Variants in PPP6R1 observed in about 807,000 individuals in gnomAD.
The protein encoded by PPP6R1 is serine/threonine-protein phosphatase 6 regulatory subunit 1.
A neutral mutation model predicts 104.6 loss-of-function variants in PPP6R1; 39 were observed. That is an observed-to-expected ratio of 0.37 (90% CI 0.29 to 0.49). The LOEUF (loss-of-function observed/expected upper bound fraction) is 0.49. Ranked by LOEUF, PPP6R1 falls within the 20% of genes least tolerant of loss-of-function variation. The pLI, the probability that PPP6R1 is intolerant of heterozygous loss-of-function variation, is 0.98. For missense variants in PPP6R1, 1,181 were observed against 1,155.8 expected, an observed-to-expected ratio of 1.02 and a Z score of -0.32; for synonymous variants, 549 against 479.0, an observed-to-expected ratio of 1.15 and a Z score of -1.91.
chr19:55,238,139 G>A (rs934582428), intron 15 of PPP6R1, among the ~76,000 whole-genome samples: 2 of 150,992 alleles, frequency 1.3e-5, no homozygotes, highest in Non-Finnish European at 3.0e-5. Flanking sequence ...GAACTCAAGC[G>A]ATCCTCCTGC....
rs907745394 is a variant in PPP6R1, at chr19:55,241,867, G to A, written c.846-228C>T. 6.6e-6 allele frequency among the ~76,000 whole-genome samples: 1 copy of A among 152,198 alleles called. No individual in the cohort carries two copies. The highest frequency in any genetic ancestry group is 1.5e-5 in the Non-Finnish European group (1 of 68,022). On this transcript the variant is annotated intron_variant, in intron 7 of 23. Coordinates refer to ENST00000412770, the MANE Select transcript of PPP6R1 (RefSeq NM_014931.4). The surrounding 1 kb of genome is among the most constrained non-coding windows in gnomAD (Gnocchi z 5.4). ...GAGAGCACGGGTGAGGGGTGGAGGC[G>A]GGAAGGCAAACCCAACAGGCTAGCG...
chr19:55,251,675 G>A lies in PPP6R1; in HGVS notation c.-6-4566C>T, dbSNP rs150736261. ...CTGCCCAGATGCTAGACCTCCTCAA[G>A]GGACCATCCCCTACTTCCCAGCCCG... is the stretch of plus-strand genomic sequence containing the variant. On this transcript the variant is annotated intron_variant, in intron 1 of 23. Coordinates refer to ENST00000412770, the MANE Select transcript of PPP6R1 (RefSeq NM_014931.4). 2.7e-3 allele frequency among the ~76,000 whole-genome samples: 404 copies of A among 152,214 alleles called. 2 individuals carry two copies. Among genetic ancestry groups the A allele is most frequent in the South Asian group, 0.015 (72 of 4,818 alleles).
At chr19:55,249,471 C>T (rs1415512946) in intron 1 of PPP6R1, among the ~76,000 whole-genome samples, 1 of 152,126 alleles carries the variant, frequency 6.6e-6, no homozygotes, top group Admixed American at 6.5e-5. Context: ...GAACTCCTAA[C>T]CTCAGGTGAT....
At chr19:55,247,451 T>C (rs958067469) in intron 1 of PPP6R1, 20 of 302,104 alleles carry the variant, frequency 6.6e-5, no homozygotes, top group Admixed American at 9.5e-5. Flanking sequence ...GTGTGGACCA[T>C]GTGCAGGGCC....
intron 15 of PPP6R1, among the ~76,000 whole-genome samples, chr19:55,237,321 T>A (rs982863325): frequency 1.3e-5 from 2 of 152,128 alleles, no homozygotes; most frequent in South Asian, 4.2e-4. Context: ...CTTGTCCCCA[T>A]CCTTGGGGCA....
At chr19:55,246,468 A>T (rs1194184148) in intron 2 of PPP6R1, among the ~76,000 whole-genome samples, 1 of 152,200 alleles carries the variant, frequency 6.6e-6, no homozygotes, top group Non-Finnish European at 1.5e-5. Flanking sequence ...AAAAATAAGT[A>T]AAGTGTCTTC....
chr19:55,231,737 A>T, intron 19 of PPP6R1, 65 bp downstream of exon 19: 1 of 1,502,132 alleles, frequency 6.7e-7, no homozygotes, highest in Non-Finnish European at 8.9e-7. Flanking sequence ...GAGGACGGGG[A>T]CCCCATGGCC....
Position 55,241,759 on chromosome 19 carries a change from G to C in PPP6R1, c.846-120C>G. ...GAAAACGAGGAGCCACATGCCCCCA[G>C]CGCCGCTCTCTTCTGAGGCCCTTCA... On this transcript the variant is annotated intron_variant, in intron 7 of 23. Coordinates refer to ENST00000412770, the MANE Select transcript of PPP6R1 (RefSeq NM_014931.4). The surrounding 1 kb of genome is among the most constrained non-coding windows in gnomAD (Gnocchi z 5.4). 5.6e-6 allele frequency: 7 copies of C among 1,246,656 alleles called. No homozygotes were observed. In the South Asian group the frequency reaches 6.3e-5, roughly 11 times the overall value. 77.2% of individuals were successfully genotyped at this position (1,246,656 alleles called of 1,614,324 possible).
In PPP6R1 at chr19:55,235,515, A is replaced by AT. The variant is rs772511646; in HGVS notation, c.1988+1127dup. 3.9e-3 allele frequency among the ~76,000 whole-genome samples: 569 copies of AT among 145,486 alleles called. 3 individuals carry two copies. The highest frequency in any genetic ancestry group is 7.5e-3 in the African/African-American group (294 of 39,408). On this transcript the variant is annotated intron_variant, in intron 17 of 23. Coordinates refer to ENST00000412770, the MANE Select transcript of PPP6R1 (RefSeq NM_014931.4). ...TCATAACTTAACTCATTTGAATTAG[A>AT]TTCCTTTTTTTTTTTTTTTCTGAGA...
chr19:55,231,829 G>A lies in PPP6R1; in HGVS notation c.2279C>T (p.Pro760Leu). The A allele has an allele frequency of 2.0e-6, 3 of 1,503,052 alleles. No individual in the cohort carries two copies. Among genetic ancestry groups the A allele is most frequent in the Non-Finnish European group, 2.7e-6 (3 of 1,127,076 alleles). The allele number at this position is 1,503,052 out of a possible 1,614,324, so 93.1% of individuals were successfully genotyped here. Residue 760 changes from proline to leucine, a missense_variant, in exon 19 of 24, where the codon CCT (proline) becomes CTT (leucine). Around this residue, in one of 2 missense-constraint regions of PPP6R1, gnomAD observed 1,042 missense variants for 955.6 expected, o/e 1.09. Transcript: ENST00000412770. ...GAGCTGCAGGGCGTCACGGGCAGGA[G>A]GGCTGGCCAGGCTCTGAGTGGGGAG... ...QGLPTQSLAS[P>L]PARDALQLRS... is the part of the protein sequence containing the mutation.
chr19:55,240,281 A>T lies in PPP6R1; in HGVS notation c.1316T>A (p.Leu439Gln). Residue 439 changes from leucine (L) to glutamine (Q), a missense_variant, in exon 11 of 24, where the codon CTG (leucine) becomes CAG (glutamine). Physicochemically the swap from Leu to Gln is moderately radical, Grantham distance 113. Transcript: ENST00000412770. ...VVKHLLQQCR[L>Q]VERILTSWEE... Reference sequence around the variant, plus strand: ...CCAGGACGTCAGGATCCGCTCCACCAGGCGGCACTGCTGCAGCAGCTGCGG... The same window carrying T: ...CCAGGACGTCAGGATCCGCTCCACCTGGCGGCACTGCTGCAGCAGCTGCGG... 1 of 1,593,670 alleles carries T rather than the reference A, an allele frequency of 6.3e-7. No homozygotes were observed. The highest frequency in any genetic ancestry group is 8.5e-7 in the Non-Finnish European group (1 of 1,170,906).
rs1462446558 is a variant in PPP6R1 at position 55,242,476 on chromosome 19, C to T, written c.631G>A (p.Ala211Thr). Residue 211 changes from alanine to threonine, a missense_variant, in exon 6 of 24, where the codon GCA (alanine) becomes ACA (threonine). By Grantham distance (58) the Ala-to-Thr change is moderately conservative (BLOSUM62 0). Around this residue, in one of 2 missense-constraint regions of PPP6R1, gnomAD observed 1,042 missense variants for 955.6 expected, o/e 1.09. Transcript: ENST00000412770. ...ATGATGTCACACAGGGACTGGGATGCGTTGGAATGTTGCTGGAACGGGGAG... is the reference window on the plus strand; with the variant it reads ...ATGATGTCACACAGGGACTGGGATGTGTTGGAATGTTGCTGGAACGGGGAG... ...PSKDENQHSN[A>T]SQSLCDIIRL... is the part of the protein sequence containing the mutation. 51 of 1,613,582 alleles carry T rather than the reference C, an allele frequency of 3.2e-5. No individual in the cohort carries two copies. Among genetic ancestry groups the T allele is most frequent in the Non-Finnish European group, 4.2e-5 (50 of 1,179,528 alleles).
chr19:55,242,135 G>C (rs2087464057), intron 7 of PPP6R1, 31 bp downstream of exon 7: 1 of 1,589,334 alleles, frequency 6.3e-7, no homozygotes, highest in African/African-American at 1.3e-5. Context: ...GGGATGGGCA[G>C]CATGCATGGT....
intron 1 of PPP6R1, chr19:55,247,336 C>T: frequency 1.8e-6 from 1 of 564,234 alleles, no homozygotes; most frequent in Non-Finnish European, 3.2e-6. Context: ...CTGCAGTTGC[C>T]CTCGAGCCTG....
chr19:55,236,903 C>G lies in PPP6R1; in HGVS notation c.1809+10G>C, dbSNP rs374869794. 1 of 1,612,676 alleles carries G rather than the reference C, an allele frequency of 6.2e-7. No individual in the cohort carries two copies. Among genetic ancestry groups the G allele is most frequent in the East Asian group, 2.2e-5 (1 of 44,878 alleles). On this transcript the variant is annotated intron_variant, in intron 16 of 23. Transcript: ENST00000412770. The stretch of plus-strand genomic sequence containing the variant: ...CACCCGCCACAACCAGGGGACAGGG[C>G]AGTACTCACGTTCTCATCGTCAGCA...
intron 17 of PPP6R1, among the ~76,000 whole-genome samples, chr19:55,235,886 T>C (rs2122560003): frequency 6.9e-6 from 1 of 145,470 alleles, no homozygotes; most frequent in East Asian, 2.0e-4. Context: ...TCACCCAGAC[T>C]GGAGTGCAGT....
At chr19:55,239,348 C>T (rs1038272704) in intron 15 of PPP6R1, 57 bp downstream of exon 15, 38 of 1,506,052 alleles carry the variant, frequency 2.5e-5, no homozygotes, top group Non-Finnish European at 3.0e-5. Flanking sequence ...TACAAGTAGG[C>T]GCGCCTGCTG....
chr19:55,231,774 C>G (rs1159807471), intron 19 of PPP6R1, 28 bp downstream of exon 19: 18 of 1,493,084 alleles, frequency 1.2e-5, no homozygotes, highest in Non-Finnish European at 1.4e-5. Flanking sequence ...ATACCAGCAC[C>G]ATTTAGCCCG....
chr19:55,239,123 G>GACCC, intron 15 of PPP6R1: 1 of 434,466 alleles, frequency 2.3e-6, no homozygotes, highest in Non-Finnish European at 4.3e-6. Flanking sequence ...GAGTGGGAGG[G>GACCC]ACCCGCTCTG....
Sources: allele counts gnomAD v4.1 joint callset (sites outside exome capture counted in the v4.1 genomes callset), GRCh38; gene constraint gnomAD v4.1.1; regional missense constraint gnomAD v4.1.1; non-coding constraint Gnocchi (gnomAD v3.1); transcripts MANE v1.5; gene names NCBI Gene and HGNC (gene_info 2026-07-23, HGNC 2026-07-21).